The following LRRC53 variants were observed in gnomAD, a reference collection of about 807,000 sequenced individuals.
LRRC53 encodes the protein leucine-rich repeat-containing protein 53.
In LRRC53, 25 loss-of-function variants were observed where a neutral mutation model predicts 13.6. The observed-to-expected ratio is 1.83, with a 90% confidence interval of 1.34 to 2.56. The LOEUF (loss-of-function observed/expected upper bound fraction) is 2.56. Ranked by LOEUF, LRRC53 falls within the 30% of genes most tolerant of loss-of-function variation. The probability of loss-of-function intolerance (pLI) is 0.00; values close to 1 mark genes in which losing one functional copy is unlikely to be tolerated. For missense variants in LRRC53, 527 were observed against 275.8 expected (o/e 1.91, Z -6.45); for synonymous variants, 204 against 109.8 (o/e 1.86, Z -5.37).
upstream of LRRC53, among the ~76,000 whole-genome samples, chr1:74,516,912 T>G (rs1320152453): frequency 6.6e-6 from 1 of 152,190 alleles, no homozygotes; most frequent in Non-Finnish European, 1.5e-5. Flanking sequence ...GTTAACTACA[T>G]GATAGACAGT....
chr1:74,504,729 C>G (rs2100354595), intron 1 of LRRC53, among the ~76,000 whole-genome samples: 1 of 152,086 alleles, frequency 6.6e-6, no homozygotes, highest in East Asian at 1.9e-4. Flanking sequence ...TACAACATAT[C>G]CACCTGAGAG....
At chr1:74,484,106 T>G (rs1021979358) in intron 1 of LRRC53, among the ~76,000 whole-genome samples, 1 of 151,994 alleles carries the variant, frequency 6.6e-6, no homozygotes, top group Admixed American at 6.6e-5. Context: ...ATGTTAAACT[T>G]TACCTTTATT....
intron 1 of LRRC53, among the ~76,000 whole-genome samples, chr1:74,498,552 A>T (rs151017572): frequency 1.1e-3 from 164 of 152,274 alleles, no homozygotes; most frequent in African/African-American, 3.7e-3. Context: ...TTTTATTTAT[A>T]ATAAACTAGG....
chr1:74,474,744 A>T (rs539018822), intron 4 of LRRC53, among the ~76,000 whole-genome samples: 1 of 152,228 alleles, frequency 6.6e-6, no homozygotes, highest in South Asian at 2.1e-4. Flanking sequence ...CTTGGCTCCC[A>T]GTGTGGGACA....
intron 3 of LRRC53, among the ~76,000 whole-genome samples, chr1:74,478,563 T>C (rs896708190): frequency 6.6e-6 from 1 of 152,108 alleles, no homozygotes; most frequent in Admixed American, 6.5e-5. Flanking sequence ...AAATCCTCTA[T>C]GAAAAAAAGG....
At chr1:74,477,912 T>C (rs574658061) in intron 3 of LRRC53, among the ~76,000 whole-genome samples, 1 of 152,342 alleles carries the variant, frequency 6.6e-6, no homozygotes, top group Non-Finnish European at 1.5e-5. Flanking sequence ...TATTGAAACA[T>C]TAGAAACACA....
intron 1 of LRRC53, among the ~76,000 whole-genome samples, chr1:74,511,256 G>A (rs1206676127): frequency 4.0e-5 from 6 of 151,396 alleles, no homozygotes; most frequent in South Asian, 2.1e-4. Flanking sequence ...GCAATGGTGC[G>A]ATCTCGGCTC....
intron 4 of LRRC53, among the ~76,000 whole-genome samples, chr1:74,473,237 T>G (rs1409113077): frequency 6.6e-6 from 1 of 152,122 alleles, no homozygotes; most frequent in Non-Finnish European, 1.5e-5. Flanking sequence ...TCTTATAACT[T>G]TTACAGATGA....
rs1183543835 is a variant in LRRC53 at position 74,480,155 on chromosome 1, G to T, written c.902C>A (p.Ala301Glu). 2 of 714,750 alleles carry T rather than the reference G, an allele frequency of 2.8e-6. No individual in the cohort carries two copies. The highest frequency in any genetic ancestry group is 4.0e-5 in the Admixed American group (2 of 49,744). The allele number at this position is 714,750 out of a possible 1,614,324, so 44.3% of individuals were successfully genotyped here. Residue 301 changes from alanine to glutamate, a missense_variant and splice_region_variant, in exon 3 of 5, where the codon GCA (alanine) becomes GAA (glutamate). Physicochemically the swap from Ala to Glu is moderately radical, Grantham distance 107 (BLOSUM62 -1). Coordinates refer to ENST00000294635, the MANE Select transcript of LRRC53 (RefSeq NM_001382280.1). ...GGGCACACTTCTCCCCGGCATACCTGCGAAGCCAAGGACAGTCAGCAGGGC... is the reference window on the plus strand; with the variant it reads ...GGGCACACTTCTCCCCGGCATACCTTCGAAGCCAAGGACAGTCAGCAGGGC... Reference protein sequence around the residue: ...DVALLTVLGFAGAVGLTCLGL... With the variant: ...DVALLTVLGFEGAVGLTCLGL...
Position 74,491,543 on chromosome 1 carries a change from T to A in LRRC53, c.-26-8168A>T, listed in dbSNP as rs139006580. 2.0e-5 allele frequency among the ~76,000 whole-genome samples: 3 copies of A among 152,284 alleles called. No individual in the cohort carries two copies. In the East Asian group the frequency reaches 5.8e-4, roughly 29 times the overall value. On this transcript the variant is annotated intron_variant, in intron 1 of 4. Coordinates refer to ENST00000294635, the MANE Select transcript of LRRC53 (RefSeq NM_001382280.1). ...GTGTGAGCCACCACACCCAGCCAAG[T>A]CCAACAGGTGTTTTAAACATCTGAA...
At chr1:74,489,802 C>T (rs1207219358) in intron 1 of LRRC53, among the ~76,000 whole-genome samples, 1 of 152,074 alleles carries the variant, frequency 6.6e-6, no homozygotes, top group African/African-American at 2.4e-5. Flanking sequence ...ATTTTCTACA[C>T]ACCTGGTCAA....
intron 2 of LRRC53, among the ~76,000 whole-genome samples, 183 bp from the exon 3 acceptor site, chr1:74,481,151 C>T (rs1473429317): frequency 6.6e-6 from 1 of 152,130 alleles, no homozygotes; most frequent in Non-Finnish European, 1.5e-5. Flanking sequence ...GGCTATATAT[C>T]AAAATGATGG....
At chr1:74,482,307 G>A (rs1276957412) in intron 2 of LRRC53, among the ~76,000 whole-genome samples, 1 of 152,142 alleles carries the variant, frequency 6.6e-6, no homozygotes, top group Non-Finnish European at 1.5e-5. Context: ...CAAATATGGT[G>A]TTCTGTAAAT....
chr1:74,498,820 A>C (rs2100332006), intron 1 of LRRC53, among the ~76,000 whole-genome samples: 1 of 152,302 alleles, frequency 6.6e-6, no homozygotes, highest in East Asian at 1.9e-4. Context: ...TGAGGAGAAA[A>C]GTGACTACCA....
intron 1 of LRRC53, among the ~76,000 whole-genome samples, chr1:74,486,631 A>G (rs1405409805): frequency 1.3e-5 from 2 of 151,484 alleles, no homozygotes; most frequent in African/African-American, 2.4e-5. Context: ...TGGGCTAGAG[A>G]TAATAATCTG....
intron 1 of LRRC53, among the ~76,000 whole-genome samples, chr1:74,487,976 G>A (rs2100287853): frequency 6.6e-6 from 1 of 152,222 alleles, no homozygotes; most frequent in Admixed American, 6.5e-5. Context: ...TATAACTAAG[G>A]GGCTGAGTGA....
chr1:74,516,424 C>T (rs893537302), upstream of LRRC53, among the ~76,000 whole-genome samples: 3 of 152,114 alleles, frequency 2.0e-5, no homozygotes, highest in South Asian at 2.1e-4. Context: ...ATATCAAATC[C>T]GTACAATACA....
At position 74,469,795 on chromosome 1, in the gene LRRC53, T is replaced by A. The variant is rs1667834759; in HGVS notation, c.*83A>T. ...GTCCTCCAAAATGATCCACTTCTAA[T>A]GCATGCAAAGGCTAGTGGGTGTTTG... On this transcript the variant is annotated 3_prime_UTR_variant, in exon 5 of 5. Transcript: ENST00000294635. 2 of 398,584 alleles carry A rather than the reference T, an allele frequency of 5.0e-6. No individual in the cohort carries two copies. The highest frequency in any genetic ancestry group is 1.4e-4 in the South Asian group (1 of 7,286). 24.7% of individuals were successfully genotyped at this position (398,584 alleles called of 1,614,324 possible).
intron 1 of LRRC53, among the ~76,000 whole-genome samples, 159 bp downstream of exon 1, chr1:74,512,367 C>T (rs1361845818): frequency 1.3e-5 from 2 of 152,176 alleles, no homozygotes; most frequent in African/African-American, 4.8e-5. Flanking sequence ...GCTCATGGCA[C>T]TCAACTATTC....
Sources: allele counts gnomAD v4.1 joint callset (sites outside exome capture counted in the v4.1 genomes callset), GRCh38; gene constraint gnomAD v4.1.1; transcripts MANE v1.5; gene names NCBI Gene and HGNC (gene_info 2026-07-23, HGNC 2026-07-21).